LGR5: variants seen among roughly 807,000 people sequenced by gnomAD.
LGR5 encodes the protein leucine rich repeat containing G protein-coupled receptor 5.
A neutral mutation model predicts 76.7 loss-of-function variants in LGR5; 54 were observed. That is an observed-to-expected ratio of 0.70 (90% CI 0.57 to 0.88). The LOEUF (loss-of-function observed/expected upper bound fraction) is 0.88, where lower values mean the gene tolerates loss of function less well. Among genes scored for constraint, LGR5 ranks in the 40% least tolerant of loss-of-function variants. The pLI is 0.00. For synonymous variants in LGR5, 406 were observed against 421.9 expected (o/e 0.96, Z 0.46); for missense variants, 1,078 against 1,073.3 (o/e 1.00, Z -0.06).
At chr12:71,541,296 G>A (rs1355377036) in intron 4 of LGR5, among the ~76,000 whole-genome samples, 2 of 152,218 alleles carry the variant, frequency 1.3e-5, no homozygotes, top group African/African-American at 4.8e-5. Flanking sequence ...CAATAGCCAT[G>A]CATGAAAGAT....
chr12:71,471,645 T>TG (rs1282936434), intron 1 of LGR5, among the ~76,000 whole-genome samples: 1 of 151,946 alleles, frequency 6.6e-6, no homozygotes, highest in African/African-American at 2.4e-5. Context: ...TGTTTTGTTT[T>TG]TTTTTTTTTA....
At chr12:71,493,341 C>T (rs1309453551) in intron 1 of LGR5, among the ~76,000 whole-genome samples, 1 of 151,266 alleles carries the variant, frequency 6.6e-6, no homozygotes, top group East Asian at 1.9e-4. Flanking sequence ...TGTGTATAAA[C>T]TGATATAAAT....
intron 4 of LGR5, among the ~76,000 whole-genome samples, chr12:71,549,139 C>T (rs1030372743): frequency 3.3e-5 from 5 of 152,238 alleles, no homozygotes; most frequent in Admixed American, 2.6e-4. Flanking sequence ...CTGTCAGCTG[C>T]TTTGTCCACA....
At chr12:71,557,653 G>C (rs1364367448) in intron 6 of LGR5, among the ~76,000 whole-genome samples, 1 of 152,146 alleles carries the variant, frequency 6.6e-6, no homozygotes, top group African/African-American at 2.4e-5. Flanking sequence ...GTTCTTGTGG[G>C]CCACACCAGG....
rs117049761 is a variant in LGR5 at position 71,570,632 on chromosome 12, A to T, written c.1071-882A>T. ...ATCTTTCAAACCTTCAGAAAGTTAC[A>T]AATTTGGATTTACAAGCAGCTTCAT... is the stretch of plus-strand genomic sequence containing the variant. On this transcript the variant is annotated intron_variant, in intron 11 of 17. Transcript: ENST00000266674. Among the ~76,000 whole-genome samples, 33 of 152,276 alleles carry T rather than the reference A, an allele frequency of 2.2e-4. No individual in the cohort carries two copies. The East Asian group carries it at 5.0e-3, about 23-fold the overall frequency.
chr12:71,508,942 G>A (rs1054217176), intron 2 of LGR5, among the ~76,000 whole-genome samples: 1 of 152,034 alleles, frequency 6.6e-6, no homozygotes, highest in Non-Finnish European at 1.5e-5. Flanking sequence ...GTTTAGTTTA[G>A]TTTTGCTTTG....
chr12:71,476,298 C>T (rs1873332946), intron 1 of LGR5, among the ~76,000 whole-genome samples: 1 of 152,186 alleles, frequency 6.6e-6, no homozygotes. Flanking sequence ...TGTTGACATG[C>T]AGTAGTTAAG....
At chr12:71,498,257 A>G (rs1292896402) in intron 1 of LGR5, among the ~76,000 whole-genome samples, 1 of 152,246 alleles carries the variant, frequency 6.6e-6, no homozygotes, top group Non-Finnish European at 1.5e-5. Context: ...TTTGCTCCCA[A>G]GAGTATTTTA....
At position 71,535,144 on chromosome 12, in the gene LGR5, T is replaced by C; in HGVS notation, c.386T>C (p.Val129Ala). The C allele has an allele frequency of 6.2e-7, 1 of 1,612,176 alleles. No homozygotes were observed. The highest frequency in any genetic ancestry group is 8.5e-7 in the Non-Finnish European group (1 of 1,178,610). ...LMLQNNQLRHVPTEALQNLRS... is the reference protein window; with the variant it reads ...LMLQNNQLRHAPTEALQNLRS... ...CTGCAGAATAATCAGCTAAGACACG[T>C]ACCCACAGAAGCTCTGCAGAATTTG... Residue 129 changes from valine to alanine, a missense_variant, in exon 4 of 18, where the codon GTA becomes GCA. By Grantham distance (64) the Val-to-Ala change is moderately conservative. Coordinates refer to ENST00000266674, the MANE Select transcript of LGR5 (RefSeq NM_003667.4).
At chr12:71,478,907 C>T (rs1248010736) in intron 1 of LGR5, among the ~76,000 whole-genome samples, 1 of 152,130 alleles carries the variant, frequency 6.6e-6, no homozygotes, top group East Asian at 1.9e-4. Context: ...ACTTTAAAAG[C>T]ATTACATTCA....
chr12:71,506,850 T>G (rs1170368663), intron 2 of LGR5, among the ~76,000 whole-genome samples: 3 of 152,230 alleles, frequency 2.0e-5, no homozygotes, highest in Non-Finnish European at 4.4e-5. Flanking sequence ...TCTTCTTGGT[T>G]TATTCCTTTG....
chr12:71,475,931 C>A (rs1216067359), intron 1 of LGR5, among the ~76,000 whole-genome samples: 2 of 152,040 alleles, frequency 1.3e-5, no homozygotes, highest in African/African-American at 4.8e-5. Context: ...TCCTTTCCTC[C>A]TTGGACGAAC....
rs375946555 is a variant in LGR5 at position 71,535,131 on chromosome 12, C to G, written c.373C>G (p.Gln125Glu). 1 of 1,610,806 alleles carries G rather than the reference C, an allele frequency of 6.2e-7. No individual in the cohort carries two copies. The highest frequency in any genetic ancestry group is 2.2e-5 in the East Asian group (1 of 44,830). The change falls in exon 4 of 18, where the codon CAG (glutamine) becomes GAG (glutamate). Residue 125 changes from glutamine to glutamate, a missense_variant. Physicochemically the swap from Gln to Glu is conservative, Grantham distance 29. Coordinates refer to ENST00000266674, the MANE Select transcript of LGR5 (RefSeq NM_003667.4). ...AACATACAGTATGCTGCAGAATAAT[C>G]AGCTAAGACACGTACCCACAGAAGC... is the stretch of plus-strand genomic sequence containing the variant. Reference protein sequence around the residue: ...SLKVLMLQNNQLRHVPTEALQ... With the variant: ...SLKVLMLQNNELRHVPTEALQ...
chr12:71,566,191 A>G (rs1232087249), intron 8 of LGR5, among the ~76,000 whole-genome samples: 1 of 152,146 alleles, frequency 6.6e-6, no homozygotes. Flanking sequence ...GAAATCTTCA[A>G]TTTTATATAG....
At chr12:71,545,277 C>T (rs1877098038) in intron 4 of LGR5, among the ~76,000 whole-genome samples, 1 of 152,228 alleles carries the variant, frequency 6.6e-6, no homozygotes, top group African/African-American at 2.4e-5. Context: ...GAAACCCTGT[C>T]TCTACCAAAA....
At chr12:71,442,168 G>A (rs1387924606) in intron 1 of LGR5, among the ~76,000 whole-genome samples, 8 of 152,142 alleles carry the variant, frequency 5.3e-5, no homozygotes, top group African/African-American at 1.9e-4. Context: ...GTTCCAGATT[G>A]CTTGCTTCTC....
rs1340197657 is a variant in LGR5 at position 71,580,401 on chromosome 12, T to C, written c.1530T>C (p.Asp510=). ...GTATGGACGACCTTCATAAGAAAGA[T>C]GCTGGAATGTTTCAGGCTCAAGGTA... ...NSSMDDLHKK[D]AGMFQAQDER... The change falls in exon 16 of 18, where the codon GAT becomes GAC. Residue 510 remains aspartate, a synonymous_variant. Coordinates refer to ENST00000266674, the MANE Select transcript of LGR5 (RefSeq NM_003667.4). The C allele has an allele frequency of 1.9e-6, 3 of 1,613,600 alleles. No homozygotes were observed. The highest frequency in any genetic ancestry group is 2.7e-5 in the African/African-American group (2 of 74,948).
intron 1 of LGR5, among the ~76,000 whole-genome samples, chr12:71,493,711 G>A (rs1306806121): frequency 6.7e-6 from 1 of 149,656 alleles, no homozygotes; most frequent in Non-Finnish European, 1.5e-5. Context: ...TTTCCTTACT[G>A]TTGCCCTCAA....
intron 1 of LGR5, among the ~76,000 whole-genome samples, chr12:71,477,469 G>A (rs34977982): frequency 0.089 from 13,209 of 148,412 alleles, 629 homozygotes; most frequent in Non-Finnish European, 0.11. Flanking sequence ...ATGTGATAAT[G>A]TAATATATAT....
Sources: gnomAD v4.1 joint callset for allele counts (sites outside exome capture counted in the v4.1 genomes callset) on GRCh38, gnomAD v4.1.1 for gene constraint, MANE v1.5 for transcripts, NCBI Gene and HGNC (gene_info 2026-07-23, HGNC 2026-07-21) for gene names.